The following CAPN13 variants were observed in gnomAD, a reference collection of about 807,000 sequenced individuals.
CAPN13 encodes calpain-13.
A neutral mutation model predicts 98.4 loss-of-function variants in CAPN13; 90 were observed. That is an observed-to-expected ratio of 0.92 (90% CI 0.77 to 1.09). CAPN13 has a LOEUF of 1.09. CAPN13 is among the 50% of genes least tolerant of loss of function. The probability of loss-of-function intolerance (pLI) is 0.00; values close to 1 mark genes in which losing one functional copy is unlikely to be tolerated. For missense variants in CAPN13, 887 were observed against 841.3 expected (o/e 1.05, Z -0.67); for synonymous variants, 330 against 305.5 (o/e 1.08, Z -0.84).
chr2:30,787,271 G>C lies in CAPN13; in HGVS notation c.55C>G (p.Gln19Glu). 6.2e-7 allele frequency: 1 copy of C among 1,613,432 alleles called. No individual in the cohort carries two copies. The highest frequency in any genetic ancestry group is 1.1e-5 in the South Asian group (1 of 90,744). The change falls in exon 2 of 23, where the codon CAG becomes GAG. Residue 19 changes from glutamine to glutamate, a missense_variant. Gln to Glu is a conservative substitution (Grantham distance 29). Transcript: ENST00000295055. ...TGATCCCGCAAGGTGGTAAAGTCCT[G>C]GTCTTTGAACTTGATGATGGAGGTC... ...VETSIIKFKDQDFTTLRDHCL... is the reference protein window; with the variant it reads ...VETSIIKFKDEDFTTLRDHCL...
chr2:30,733,256 G>A (rs937028618), intron 19 of CAPN13, among the ~76,000 whole-genome samples: 32 of 152,188 alleles, frequency 2.1e-4, no homozygotes, highest in African/African-American at 7.2e-4. Context: ...ATGAGCCTCC[G>A]GCAGCCAGAG....
At chr2:30,783,536 G>A (rs1304779051) in intron 2 of CAPN13, among the ~76,000 whole-genome samples, 1 of 152,198 alleles carries the variant, frequency 6.6e-6, no homozygotes, top group East Asian at 1.9e-4. Flanking sequence ...GAAAGGGTAG[G>A]TAAGATGGCA....
intron 15 of CAPN13, among the ~76,000 whole-genome samples, chr2:30,740,043 G>A (rs1356731806): frequency 6.6e-6 from 1 of 150,764 alleles, no homozygotes; most frequent in African/African-American, 2.4e-5. Flanking sequence ...CTACTACAGT[G>A]AAGGAAGAAC....
chr2:30,761,026 G>T (rs762408956), intron 7 of CAPN13, among the ~76,000 whole-genome samples: 13 of 152,222 alleles, frequency 8.5e-5, no homozygotes, highest in Non-Finnish European at 1.9e-4. Flanking sequence ...AAATGGTTTT[G>T]TGGCTAATGG....
chr2:30,748,007 C>T (rs1671997932), intron 11 of CAPN13, among the ~76,000 whole-genome samples: 1 of 152,184 alleles, frequency 6.6e-6, no homozygotes, highest in South Asian at 2.1e-4. Flanking sequence ...TGGTAGGGTT[C>T]CTGAACTGTG....
At chr2:30,794,958 A>C (rs1674783285) in intron 1 of CAPN13, among the ~76,000 whole-genome samples, 1 of 151,990 alleles carries the variant, frequency 6.6e-6, no homozygotes, top group Non-Finnish European at 1.5e-5. Context: ...TGATGATTTC[A>C]CATGTGTATA....
At chr2:30,774,466 A>G (rs1415616024) in intron 4 of CAPN13, among the ~76,000 whole-genome samples, 1 of 152,202 alleles carries the variant, frequency 6.6e-6, no homozygotes, top group African/African-American at 2.4e-5. Context: ...TACAGCACAG[A>G]TTGAGAAAGT....
intron 3 of CAPN13, among the ~76,000 whole-genome samples, chr2:30,776,373 G>A (rs1244043866): frequency 1.3e-5 from 2 of 152,020 alleles, no homozygotes; most frequent in African/African-American, 2.4e-5. Context: ...CACCAAGCCC[G>A]GCTAATTTTT....
chr2:30,730,758 C>T lies in CAPN13; in HGVS notation c.*2G>A. ...AGCCATGGGTCTGCTTTCCTCTTTG[C>T]TTCAGTTGTACATGACCAGGCTCAT... On this transcript the variant is annotated 3_prime_UTR_variant, in exon 22 of 23. Coordinates refer to ENST00000295055, the MANE Select transcript of CAPN13 (RefSeq NM_144575.3). 2.6e-6 allele frequency: 2 copies of T among 780,904 alleles called. No homozygotes were observed. The highest frequency in any genetic ancestry group is 1.7e-5 in the African/African-American group (1 of 59,274). 48.4% of individuals were successfully genotyped at this position (780,904 alleles called of 1,614,324 possible). A position where few individuals can be genotyped will look rare whatever the true frequency, so the allele number is the denominator to read the frequency against.
intron 1 of CAPN13, among the ~76,000 whole-genome samples, chr2:30,793,302 T>C (rs969537145): frequency 6.6e-6 from 1 of 151,578 alleles, no homozygotes; most frequent in Non-Finnish European, 1.5e-5. Flanking sequence ...TAAAAAATTA[T>C]ATTATTATAT....
At chr2:30,729,412 G>A (rs1670980718) in intron 22 of CAPN13, 2 of 152,184 alleles carry the variant, frequency 1.3e-5, no homozygotes, top group Admixed American at 1.3e-4. Context: ...AGAGGGAATC[G>A]CGACCCTGTA....
chr2:30,760,779 T>G (rs1672812436), intron 7 of CAPN13, among the ~76,000 whole-genome samples: 1 of 152,174 alleles, frequency 6.6e-6, no homozygotes, highest in Non-Finnish European at 1.5e-5. Flanking sequence ...GCATGGGCCT[T>G]GGTCTGGGGG....
At chr2:30,741,611 T>C in intron 15 of CAPN13, 1 of 1,160,330 alleles carries the variant, frequency 8.6e-7, no homozygotes, top group Non-Finnish European at 1.1e-6. Context: ...GTACTGCCAA[T>C]TGCTTGTTTA....
intron 10 of CAPN13, among the ~76,000 whole-genome samples, chr2:30,752,247 A>C (rs936167749): frequency 3.9e-5 from 6 of 152,202 alleles, no homozygotes; most frequent in African/African-American, 1.2e-4. Flanking sequence ...GCCCAGAGGA[A>C]GGGATGCATA....
At chr2:30,743,859 T>A (rs1001441264) in intron 12 of CAPN13, 2 of 560,374 alleles carry the variant, frequency 3.6e-6, no homozygotes, top group Non-Finnish European at 6.6e-6. Flanking sequence ...TTTCTCTCCC[T>A]GCTTATATAG....
intron 1 of CAPN13, among the ~76,000 whole-genome samples, chr2:30,803,923 C>T (rs1675444567): frequency 6.6e-6 from 1 of 152,174 alleles, no homozygotes; most frequent in Non-Finnish European, 1.5e-5. Context: ...TAAGGCTTGG[C>T]TGAGCTTTCC....
intron 2 of CAPN13, among the ~76,000 whole-genome samples, chr2:30,780,761 G>C (rs1177629416): frequency 6.6e-6 from 1 of 152,182 alleles, no homozygotes; most frequent in Non-Finnish European, 1.5e-5. Context: ...GGACTTTAGA[G>C]CTGTGACCAA....
intron 17 of CAPN13, 126 bp downstream of exon 17, chr2:30,738,109 A>G: frequency 1.0e-6 from 1 of 958,478 alleles, no homozygotes; most frequent in African/African-American, 1.6e-5. Flanking sequence ...CCAGAAACTC[A>G]AGGACAGGGA....
chr2:30,800,703 C>G (rs1006182482), intron 1 of CAPN13, among the ~76,000 whole-genome samples: 1 of 152,174 alleles, frequency 6.6e-6, no homozygotes, highest in Non-Finnish European at 1.5e-5. Context: ...AATAGGAACC[C>G]ACAGAATGTA....
Sources: gnomAD v4.1 joint callset for allele counts (sites outside exome capture counted in the v4.1 genomes callset) on GRCh38, gnomAD v4.1.1 for gene constraint, MANE v1.5 for transcripts, NCBI Gene and HGNC (gene_info 2026-07-23, HGNC 2026-07-21) for gene names.